MYCBP2: variants seen among roughly 807,000 people sequenced by gnomAD.
MYCBP2 encodes the protein MYC binding protein 2.
MYCBP2 carries 120 observed loss-of-function variants against 525.3 expected under a neutral mutation model. That is an observed-to-expected ratio of 0.23 (90% CI 0.20 to 0.27). MYCBP2 has a LOEUF of 0.27. Among genes scored for constraint, MYCBP2 ranks in the 10% least tolerant of loss-of-function variants. The pLI is 1.00. For missense variants in MYCBP2, 4,149 were observed against 5,657.1 expected (o/e 0.73, Z 8.55); for synonymous variants, 1,894 against 1,955.8 (o/e 0.97, Z 0.83).
At chr13:77,231,448 T>G (rs1172137431) in intron 18 of MYCBP2, among the ~76,000 whole-genome samples, 1 of 152,172 alleles carries the variant, frequency 6.6e-6, no homozygotes, top group Non-Finnish European at 1.5e-5. Flanking sequence ...GGTTTCGCCA[T>G]GTTAGCCAGG....
At chr13:77,153,175 T>G (rs2056751363) in intron 46 of MYCBP2, among the ~76,000 whole-genome samples, 1 of 152,062 alleles carries the variant, frequency 6.6e-6, no homozygotes, top group Admixed American at 6.6e-5. Flanking sequence ...CAGGACACAC[T>G]GGGTGCAGGA....
chr13:77,283,386 C>G (rs1312560736), intron 3 of MYCBP2, among the ~76,000 whole-genome samples: 3 of 152,048 alleles, frequency 2.0e-5, no homozygotes, highest in Admixed American at 6.6e-5. Context: ...ATTTATTGAC[C>G]TGGTTCTTAT....
At chr13:77,313,188 A>G (rs774139344) in intron 1 of MYCBP2, among the ~76,000 whole-genome samples, 1 of 152,122 alleles carries the variant, frequency 6.6e-6, no homozygotes, top group African/African-American at 2.4e-5. Flanking sequence ...ATAGCAGTCA[A>G]AATTTGTGGG....
chr13:77,134,228 T>C (rs974512087), intron 52 of MYCBP2, among the ~76,000 whole-genome samples: 2 of 152,046 alleles, frequency 1.3e-5, no homozygotes, highest in Non-Finnish European at 2.9e-5. Flanking sequence ...CTGGAAAGCA[T>C]GTTCTCAGCC....
intron 69 of MYCBP2, among the ~76,000 whole-genome samples, chr13:77,069,927 G>A (rs2040887103): frequency 6.6e-6 from 1 of 151,642 alleles, no homozygotes; most frequent in Non-Finnish European, 1.5e-5. Flanking sequence ...TTTGACTTTT[G>A]AAGTGATATT....
chr13:77,250,696 T>C (rs760474888), intron 15 of MYCBP2, among the ~76,000 whole-genome samples: 2 of 152,202 alleles, frequency 1.3e-5, no homozygotes, highest in African/African-American at 2.4e-5. Flanking sequence ...GAAGCAAGCA[T>C]ACAACGTTTC....
Position 77,326,623 on chromosome 13 carries a change from C to T in MYCBP2, c.153G>A (p.Leu51=), listed in dbSNP as rs573993024. The change falls in exon 1 of 83, where the codon CTG becomes CTA. Residue 51 remains leucine, a synonymous_variant. Coordinates refer to ENST00000544440, the MANE Select transcript of MYCBP2 (RefSeq NM_015057.5). The surrounding 1 kb of genome is among the most constrained non-coding windows in gnomAD (Gnocchi z 4.2). ...AGTCCGCGGCGGGTAGCCCCAGCCC[C>T]AGCCCCGCAGCAGCCACGGAGCCGT... ...VPDGSVAAAG[L]GLGLPAADSR... 7.0e-5 allele frequency: 109 copies of T among 1,561,984 alleles called. No individual in the cohort carries two copies. The Admixed American group carries it at 8.1e-4, about 12-fold the overall frequency.
chr13:77,086,327 C>G (rs773928113), intron 62 of MYCBP2, among the ~76,000 whole-genome samples: 2 of 152,108 alleles, frequency 1.3e-5, no homozygotes, highest in Non-Finnish European at 2.9e-5. Context: ...ATTATTCTCA[C>G]TGTCCCTCTT....
At chr13:77,188,034 G>A (rs2060904433) in intron 30 of MYCBP2, among the ~76,000 whole-genome samples, 1 of 140,410 alleles carries the variant, frequency 7.1e-6, no homozygotes, top group Non-Finnish European at 1.5e-5. Context: ...TCGTGCCACT[G>A]CACTCCAGCC....
chr13:77,268,461 A>G (rs2074399785), intron 7 of MYCBP2, among the ~76,000 whole-genome samples: 1 of 152,244 alleles, frequency 6.6e-6, no homozygotes, highest in African/African-American at 2.4e-5. Context: ...AGAGACAATT[A>G]CTGAGAAACT....
rs1026055932 is a variant in MYCBP2, at chr13:77,327,024, G to A, written c.-249C>T. 3.0e-5 allele frequency: 13 copies of A among 436,540 alleles called. No individual in the cohort carries two copies. Among genetic ancestry groups the A allele is most frequent in the Non-Finnish European group, 4.3e-5 (11 of 253,020 alleles). 27.0% of individuals were successfully genotyped at this position (436,540 alleles called of 1,614,324 possible). On this transcript the variant is annotated 5_prime_UTR_variant, in exon 1 of 83. Coordinates refer to ENST00000544440, the MANE Select transcript of MYCBP2 (RefSeq NM_015057.5). ...CACCCCGGGAATGTGAGGAGGAGGC[G>A]GTGCCGCCACTGCCGCCGCCACCAC...
At chr13:77,107,583 C>T (rs751004370) in intron 55 of MYCBP2, among the ~76,000 whole-genome samples, 17 of 151,734 alleles carry the variant, frequency 1.1e-4, no homozygotes, top group Non-Finnish European at 2.4e-4. Context: ...CAAAAAAATA[C>T]AAAAATTAGG....
intron 62 of MYCBP2, among the ~76,000 whole-genome samples, chr13:77,086,383 C>G (rs1355543095): frequency 2.6e-5 from 4 of 152,044 alleles, no homozygotes; most frequent in African/African-American, 9.7e-5. Context: ...AGATCTCTTT[C>G]TTTGTTTTTG....
intron 26 of MYCBP2, among the ~76,000 whole-genome samples, chr13:77,195,770 G>A (rs1258813876): frequency 6.6e-6 from 1 of 152,062 alleles, no homozygotes; most frequent in East Asian, 1.9e-4. Flanking sequence ...ATTCCACAAA[G>A]TTGAGGATTT....
At chr13:77,092,229 C>T (rs2045552383) in intron 59 of MYCBP2, among the ~76,000 whole-genome samples, 1 of 152,112 alleles carries the variant, frequency 6.6e-6, no homozygotes, top group Non-Finnish European at 1.5e-5. Flanking sequence ...CAGCAAATGT[C>T]TTCCTTTCCA....
chr13:77,120,559 A>G (rs2050514686), intron 55 of MYCBP2, among the ~76,000 whole-genome samples: 1 of 152,174 alleles, frequency 6.6e-6, no homozygotes, highest in East Asian at 1.9e-4. Context: ...AATTATTTCC[A>G]CGTAAGCTAT....
At chr13:77,076,705 A>G (rs1407097936) in intron 68 of MYCBP2, 46 bp downstream of exon 68, 2 of 1,199,108 alleles carry the variant, frequency 1.7e-6, no homozygotes, top group Non-Finnish European at 2.4e-6. Flanking sequence ...CACTGAAAAA[A>G]AGAATAAAAA....
Position 77,131,519 on chromosome 13 carries a change from C to CAA in MYCBP2, c.7660-4978_7660-4977insTT, listed in dbSNP as rs138118779. Among the ~76,000 whole-genome samples the CAA allele has an allele frequency of 7.0e-4, 91 of 130,120 alleles. 1 individual carries two copies. Among genetic ancestry groups the CAA allele is most frequent in the African/African-American group, 2.2e-3 (65 of 29,966 alleles). The allele number at this position is 130,120 out of a possible 152,430, so 85.4% of individuals were successfully genotyped here. A position where few individuals can be genotyped will look rare whatever the true frequency, so the allele number is the denominator to read the frequency against. Reference sequence around the variant, plus strand: ...ACACACACACACACACACAAACAAACACACACACACACACACACACACTTG... The same window carrying CAA: ...ACACACACACACACACACAAACAAACAAACACACACACACACACACACACTTG... On this transcript the variant is annotated intron_variant, in intron 52 of 82. Transcript: ENST00000544440.
At position 77,263,992 on chromosome 13, in the gene MYCBP2, A is replaced by T. The variant is rs143069733; in HGVS notation, c.1368T>A (p.Thr456=). Residue 456 remains threonine (T), a synonymous_variant, in exon 9 of 83, where the codon ACT becomes ACA. Transcript: ENST00000544440. ...CAGTGAATAAAATATTTTGACCTTC[A>T]GTGTGGCAATCTGTGCAAAAGAAAA... ...DGTVMLPDCH[T]EGQNILFTDG... is the part of the protein sequence containing the mutation. 298 of 1,612,160 alleles carry T rather than the reference A, an allele frequency of 1.8e-4. 5 individuals are homozygous for T. In the South Asian group the frequency reaches 2.4e-3, roughly 13 times the overall value.
Sources: allele counts gnomAD v4.1 joint callset (sites outside exome capture counted in the v4.1 genomes callset), GRCh38; gene constraint gnomAD v4.1.1; non-coding constraint Gnocchi (gnomAD v3.1); transcripts MANE v1.5; gene names NCBI Gene and HGNC (gene_info 2026-07-23, HGNC 2026-07-21).